DYM: variants seen among roughly 807,000 people sequenced by gnomAD.
DYM encodes the protein dymeclin.
Under a neutral mutation model 93.1 loss-of-function variants are expected in DYM, and 78 were observed. The ratio of observed to expected loss-of-function variants is 0.84; its 90% CI spans 0.70 to 1.01. The LOEUF is 1.01. Ranked by LOEUF, DYM falls within the 50% of genes least tolerant of loss-of-function variation. The pLI is 0.00. For missense variants in DYM, 789 were observed against 845.0 expected (o/e 0.93, Z 0.82); for synonymous variants, 321 against 319.7 (o/e 1.00, Z -0.04).
chr18:49,260,288 A>G (rs890894674), intron 11 of DYM, among the ~76,000 whole-genome samples: 41 of 152,238 alleles, frequency 2.7e-4, no homozygotes, highest in African/African-American at 9.2e-4. Flanking sequence ...AGGCAGAGGC[A>G]TGAGAATCGC....
chr18:49,105,115 A>G (rs544358939), intron 16 of DYM, among the ~76,000 whole-genome samples: 4 of 152,102 alleles, frequency 2.6e-5, no homozygotes, highest in East Asian at 1.9e-4. Flanking sequence ...CAGAGATTCA[A>G]CTTCTTCCTG....
intron 14 of DYM, among the ~76,000 whole-genome samples, chr18:49,208,220 C>T (rs893123253): frequency 6.0e-5 from 9 of 149,104 alleles, no homozygotes; most frequent in Admixed American, 3.3e-4. Context: ...AAGAAAAAGA[C>T]GTCAATTATC....
chr18:49,242,951 C>T (rs1161347089), intron 13 of DYM, among the ~76,000 whole-genome samples: 1 of 152,154 alleles, frequency 6.6e-6, no homozygotes, highest in Non-Finnish European at 1.5e-5. Flanking sequence ...CCACCCGTCT[C>T]GGCCTCCCAA....
intron 13 of DYM, among the ~76,000 whole-genome samples, chr18:49,226,732 T>G (rs1366280595): frequency 6.6e-6 from 1 of 152,148 alleles, no homozygotes; most frequent in Admixed American, 6.5e-5. Flanking sequence ...CATTTCAATG[T>G]CATTATGTTC....
At chr18:49,444,985 T>C (rs891675821) in intron 1 of DYM, among the ~76,000 whole-genome samples, 2 of 152,090 alleles carry the variant, frequency 1.3e-5, no homozygotes, top group Non-Finnish European at 2.9e-5. Context: ...AACTTTAAAC[T>C]CCAATTAAGC....
intron 13 of DYM, among the ~76,000 whole-genome samples, chr18:49,245,086 T>C (rs1461398758): frequency 2.0e-5 from 3 of 152,228 alleles, no homozygotes; most frequent in Non-Finnish European, 4.4e-5. Flanking sequence ...ATTGTGAAGA[T>C]TTCATGGACA....
intron 6 of DYM, among the ~76,000 whole-genome samples, chr18:49,348,684 G>A (rs979412312): frequency 6.6e-6 from 1 of 151,604 alleles, no homozygotes; most frequent in Non-Finnish European, 1.5e-5. Context: ...CAAGGCGAGT[G>A]GATTACCTGA....
intron 8 of DYM, among the ~76,000 whole-genome samples, chr18:49,297,586 C>T (rs2060639115): frequency 6.6e-6 from 1 of 152,076 alleles, no homozygotes; most frequent in East Asian, 1.9e-4. Context: ...AAAAGAAAAA[C>T]ACTGTATGTA....
intron 6 of DYM, among the ~76,000 whole-genome samples, chr18:49,361,660 C>T (rs773391286): frequency 6.6e-6 from 1 of 152,162 alleles, no homozygotes; most frequent in Non-Finnish European, 1.5e-5. Flanking sequence ...GTGGGAGAGG[C>T]AATTATCAAA....
At chr18:49,362,324 C>T (rs1247218529) in intron 6 of DYM, among the ~76,000 whole-genome samples, 1 of 152,090 alleles carries the variant, frequency 6.6e-6, no homozygotes, top group Non-Finnish European at 1.5e-5. Flanking sequence ...ATAGTGAGGC[C>T]CTGTCTCTAC....
At chr18:49,393,249 C>G (rs554877592) in intron 2 of DYM, among the ~76,000 whole-genome samples, 81 of 152,162 alleles carry the variant, frequency 5.3e-4, no homozygotes, top group African/African-American at 1.9e-3. Context: ...GATGCAGCCA[C>G]TATGGCAAAA....
chr18:49,037,103 T>C lies in DYM; in HGVS notation c.*6952A>G, dbSNP rs1360990199. Among the ~76,000 whole-genome samples the C allele has an allele frequency of 1.3e-5, 2 of 152,140 alleles. No individual in the cohort carries two copies. The highest frequency in any genetic ancestry group is 2.1e-4 in the South Asian group (1 of 4,826). On this transcript the variant is annotated 3_prime_UTR_variant, in exon 18 of 18. Transcript: ENST00000675505. ...TTTTAGTAGAGACGGGGTTTCATCA[T>C]GTTGGCCAGGCTGGTCTTGAACTCC... is the stretch of plus-strand genomic sequence containing the variant.
At chr18:49,273,587 C>T (rs749225223) in intron 10 of DYM, among the ~76,000 whole-genome samples, 5 of 152,098 alleles carry the variant, frequency 3.3e-5, no homozygotes, top group East Asian at 1.9e-4. Context: ...GATACACAAA[C>T]GCCATTGTGT....
intron 14 of DYM, among the ~76,000 whole-genome samples, chr18:49,195,204 T>G (rs886600528): frequency 6.6e-6 from 1 of 152,216 alleles, no homozygotes; most frequent in Non-Finnish European, 1.5e-5. Flanking sequence ...GATGTAATTG[T>G]TAGTTCAGTT....
chr18:49,049,188 C>A (rs1043114139), intron 17 of DYM, among the ~76,000 whole-genome samples: 1 of 152,058 alleles, frequency 6.6e-6, no homozygotes, highest in Non-Finnish European at 1.5e-5. Context: ...ATAGCTAATA[C>A]AATTGATTAC....
intron 15 of DYM, among the ~76,000 whole-genome samples, chr18:49,162,553 C>A (rs1166535227): frequency 2.6e-5 from 4 of 152,216 alleles, no homozygotes. Flanking sequence ...GATCCAATCA[C>A]CTATTCAAGG....
At chr18:49,332,987 C>G (rs1367105081) in intron 7 of DYM, among the ~76,000 whole-genome samples, 2 of 152,132 alleles carry the variant, frequency 1.3e-5, no homozygotes, top group Non-Finnish European at 2.9e-5. Context: ...TCCTTTCCCT[C>G]AGTGATTTTC....
chr18:49,277,852 G>A (rs1292938082), intron 10 of DYM, among the ~76,000 whole-genome samples: 1 of 152,224 alleles, frequency 6.6e-6, no homozygotes, highest in Non-Finnish European at 1.5e-5. Flanking sequence ...AGCCAGAACT[G>A]ACTAAGACAT....
chr18:49,066,061 T>C (rs1194163876), intron 17 of DYM, among the ~76,000 whole-genome samples: 1 of 152,060 alleles, frequency 6.6e-6, no homozygotes, highest in East Asian at 1.9e-4. Flanking sequence ...ATAATATGCA[T>C]ACCGAAAAGT....
Sources: gnomAD v4.1 joint callset for allele counts (sites outside exome capture counted in the v4.1 genomes callset) on GRCh38, gnomAD v4.1.1 for gene constraint, MANE v1.5 for transcripts, NCBI Gene and HGNC (gene_info 2026-07-23, HGNC 2026-07-21) for gene names.